The following RNF10 variants were observed in gnomAD, a reference collection of about 807,000 sequenced individuals.
The protein encoded by RNF10 is E3 ubiquitin-protein ligase RNF10.
A neutral mutation model predicts 91.4 loss-of-function variants in RNF10; 38 were observed. The ratio of observed to expected loss-of-function variants is 0.42; its 90% CI spans 0.32 to 0.54. The LOEUF is 0.54. Ranked by LOEUF, RNF10 falls within the 20% of genes least tolerant of loss-of-function variation. The probability of loss-of-function intolerance (pLI) is 0.16; values close to 1 mark genes in which losing one functional copy is unlikely to be tolerated. For synonymous variants in RNF10, 364 were observed against 366.3 expected (o/e 0.99, Z 0.07); for missense variants, 945 against 1,012.0 (o/e 0.93, Z 0.90).
At chr12:120,567,493 G>T (rs945141468) in intron 13 of RNF10, among the ~76,000 whole-genome samples, 3 of 151,814 alleles carry the variant, frequency 2.0e-5, no homozygotes, top group Non-Finnish European at 4.4e-5. Context: ...ACGAGGTCAG[G>T]AATTCAAGAC....
Position 120,534,744 on chromosome 12 carries a change from C to A in RNF10, c.-68C>A, listed in dbSNP as rs984485505. 6 of 1,465,764 alleles carry A rather than the reference C, an allele frequency of 4.1e-6. No homozygotes were observed. The African/African-American group carries it at 9.0e-5, about 22-fold the overall frequency. 90.8% of individuals were successfully genotyped at this position (1,465,764 alleles called of 1,614,324 possible). ...GCCGCCGACCCCCGCCGGCCCTGAA[C>A]GCCATGAGCCTGGGTCCCCGCCGCG... On this transcript the variant is annotated 5_prime_UTR_variant, in exon 1 of 17. Coordinates refer to ENST00000325954, the MANE Select transcript of RNF10 (RefSeq NM_014868.5).
chr12:120,576,698 G>GT lies in RNF10; in HGVS notation c.*37dup, dbSNP rs1412489622. 1.9e-6 allele frequency: 3 copies of GT among 1,582,724 alleles called. No homozygotes were observed. Among genetic ancestry groups the GT allele is most frequent in the Non-Finnish European group, 2.6e-6 (3 of 1,170,110 alleles). On this transcript the variant is annotated 3_prime_UTR_variant, in exon 17 of 17. Transcript: ENST00000325954. ...TGGCCCAGGCTACCTTCTCCATCTG[G>GT]TTTTTGTTTTTGTTTTTTTTTCCCC...
rs1870459094 is a variant in RNF10 at position 120,534,653 on chromosome 12, C to A, written c.-159C>A. 11 of 1,358,126 alleles carry A rather than the reference C, an allele frequency of 8.1e-6. No individual in the cohort carries two copies. Among genetic ancestry groups the A allele is most frequent in the East Asian group, 3.1e-5 (1 of 32,366 alleles). 84.1% of individuals were successfully genotyped at this position (1,358,126 alleles called of 1,614,324 possible). ...AACAGCCCCGTCCGCCGCTTCTCTT[C>A]CTAGTTTGAGAAGCCAAGGAAGGAA... is the stretch of plus-strand genomic sequence containing the variant. On this transcript the variant is annotated 5_prime_UTR_variant, in exon 1 of 17. Transcript: ENST00000325954.
intron 10 of RNF10, among the ~76,000 whole-genome samples, chr12:120,564,658 T>C (rs1431712268): frequency 1.3e-5 from 2 of 152,192 alleles, no homozygotes; most frequent in Admixed American, 6.5e-5. Flanking sequence ...TGTCTTTCAA[T>C]AGGGAGATCT....
At chr12:120,567,070 A>G (rs947820267) in intron 13 of RNF10, 90 bp downstream of exon 13, 5 of 1,301,530 alleles carry the variant, frequency 3.8e-6, no homozygotes, top group Middle Eastern at 4.0e-4. Flanking sequence ...CCCACTCAGC[A>G]TGGTGTGGAC....
intron 1 of RNF10, among the ~76,000 whole-genome samples, chr12:120,536,479 A>G (rs948976700): frequency 6.6e-6 from 1 of 152,108 alleles, no homozygotes; most frequent in African/African-American, 2.4e-5. Flanking sequence ...AAAACAGAAA[A>G]TTGTAAGGTC....
chr12:120,542,146 G>A (rs183094494), intron 1 of RNF10, among the ~76,000 whole-genome samples: 52 of 150,982 alleles, frequency 3.4e-4, no homozygotes, highest in Admixed American at 1.1e-3. Context: ...GATTACAGGC[G>A]TGAGCCACCG....
At chr12:120,555,796 TC>T (rs965231465) in intron 4 of RNF10, among the ~76,000 whole-genome samples, 1 of 151,152 alleles carries the variant, frequency 6.6e-6, no homozygotes, top group Non-Finnish European at 1.5e-5. Context: ...GTACCTGGCC[TC>T]TTTTTTTTTT....
intron 3 of RNF10, 123 bp downstream of exon 3, chr12:120,552,821 C>T (rs1455135489): frequency 1.2e-6 from 1 of 839,948 alleles, no homozygotes; most frequent in Non-Finnish European, 1.8e-6. Context: ...TGGTCTCGTT[C>T]TTTTTCTGTT....
At chr12:120,574,576 T>G (rs1877123582) in intron 14 of RNF10, 2 of 455,710 alleles carry the variant, frequency 4.4e-6, no homozygotes, top group South Asian at 3.1e-5. Flanking sequence ...GGAGAGAGTT[T>G]AGTTAGTTTT....
intron 7 of RNF10, among the ~76,000 whole-genome samples, chr12:120,562,267 C>CTTTTTTTTTTTTTTTTTTTTTTTTT (rs1174061958): frequency 9.8e-6 from 1 of 102,182 alleles, no homozygotes. Flanking sequence ...CTTTTTCTTT[C>CTTTTTTTTTTTTTTTTTTTTTTTTT]TTTCTTTTTT....
At chr12:120,540,629 A>G (rs1871409735) in intron 1 of RNF10, among the ~76,000 whole-genome samples, 1 of 152,162 alleles carries the variant, frequency 6.6e-6, no homozygotes, top group Non-Finnish European at 1.5e-5. Context: ...CTCACTTGAC[A>G]TATCTGTCTT....
chr12:120,556,047 C>T (rs1211971053), intron 4 of RNF10, among the ~76,000 whole-genome samples: 1 of 151,984 alleles, frequency 6.6e-6, no homozygotes, highest in Non-Finnish European at 1.5e-5. Context: ...TCTCGGCCTC[C>T]CAAAGTGTTG....
In RNF10 at chr12:120,575,778, C is replaced by G; in HGVS notation, c.2201-14C>G. Reference sequence around the variant, plus strand: ...AAGAGTTGTTTCTATAGTTTTAACACTGGTATTTTTTAGATGAGAACAGCT... The same window carrying G: ...AAGAGTTGTTTCTATAGTTTTAACAGTGGTATTTTTTAGATGAGAACAGCT... On this transcript the variant is annotated splice_polypyrimidine_tract_variant and intron_variant, in intron 15 of 16. Transcript: ENST00000325954. 1 of 1,614,124 alleles carries G rather than the reference C, an allele frequency of 6.2e-7. No individual in the cohort carries two copies. Among genetic ancestry groups the G allele is most frequent in the Non-Finnish European group, 8.5e-7 (1 of 1,179,982 alleles).
rs530497749 is a variant in RNF10, at chr12:120,561,836, G to A, written c.1128+950G>A. ...AAATGCCATTACAGGCATAAGAAAGGCTACATAGAATTAGAGCTGTCCAGG... is the reference window on the plus strand; with the variant it reads ...AAATGCCATTACAGGCATAAGAAAGACTACATAGAATTAGAGCTGTCCAGG... On this transcript the variant is annotated intron_variant, in intron 7 of 16. Transcript: ENST00000325954. Among the ~76,000 whole-genome samples, 3 of 152,266 alleles carry A rather than the reference G, an allele frequency of 2.0e-5. No homozygotes were observed. In the South Asian group the frequency reaches 6.2e-4, roughly 32 times the overall value.
At chr12:120,547,890 T>A (rs1438117858) in intron 2 of RNF10, among the ~76,000 whole-genome samples, 6 of 152,124 alleles carry the variant, frequency 3.9e-5, no homozygotes, top group Non-Finnish European at 7.4e-5. Flanking sequence ...ACTAAGAGAC[T>A]ACAAAGATAT....
At chr12:120,542,314 G>A (rs1051742202) in intron 1 of RNF10, among the ~76,000 whole-genome samples, 4 of 152,006 alleles carry the variant, frequency 2.6e-5, no homozygotes, top group Admixed American at 2.0e-4. Context: ...CCACCACATT[G>A]GGCTAATTTT....
intron 12 of RNF10, 104 bp from the exon 13 acceptor site, chr12:120,566,721 C>T (rs1875760541): frequency 1.9e-6 from 2 of 1,068,062 alleles, no homozygotes; most frequent in South Asian, 1.4e-5. Context: ...GAGATCGTAC[C>T]ACTACACTCC....
In RNF10 at chr12:120,546,489, C is replaced by T; in HGVS notation, c.242C>T (p.Ser81Phe). 6.2e-7 allele frequency: 1 copy of T among 1,614,164 alleles called. No individual in the cohort carries two copies. The highest frequency in any genetic ancestry group is 8.5e-7 in the Non-Finnish European group (1 of 1,180,006). Residue 81 changes from serine (S) to phenylalanine (F), a missense_variant, in exon 2 of 17, where the codon TCC (serine) becomes TTC (phenylalanine). Physicochemically the swap from Ser to Phe is radical, Grantham distance 155. Coordinates refer to ENST00000325954, the MANE Select transcript of RNF10 (RefSeq NM_014868.5). The part of the protein sequence containing the change: ...YPKNESFNNQ[S>F]RRSSSQKSKT... ...AAAAATGAAAGTTTTAACAACCAGT[C>T]CCGTCGCTCCAGTTCACAGAAAAGC...
Sources: gnomAD v4.1 joint callset for allele counts (sites outside exome capture counted in the v4.1 genomes callset) on GRCh38, gnomAD v4.1.1 for gene constraint, MANE v1.5 for transcripts, NCBI Gene and HGNC (gene_info 2026-07-23, HGNC 2026-07-21) for gene names.